CATSPER2: variants seen among roughly 807,000 people sequenced by gnomAD.
CATSPER2 encodes the protein cation channel sperm-associated protein 2.
In CATSPER2, 56 loss-of-function variants were observed where a neutral mutation model predicts 68.8. That is an observed-to-expected ratio of 0.81 (90% CI 0.66 to 1.02). The LOEUF (loss-of-function observed/expected upper bound fraction) is 1.02. Ranked by LOEUF, CATSPER2 falls within the 50% of genes least tolerant of loss-of-function variation. CATSPER2 has a pLI of 0.00. For missense variants in CATSPER2, 582 were observed against 642.0 expected (o/e 0.91, Z 1.01); for synonymous variants, 198 against 229.9 (o/e 0.86, Z 1.26).
rs142505622 is a variant in CATSPER2, at chr15:43,630,521, A to AT, written c.*179dup. On this transcript the variant is annotated 3_prime_UTR_variant, in exon 13 of 13. Coordinates refer to ENST00000396879, the MANE Select transcript of CATSPER2 (RefSeq NM_172095.4). ...AAGCATCTGCCACCACACCCAGCTA[A>AT]TTTTTTTGTATTTTTAGTAGAGACA... The AT allele has an allele frequency of 0.015, 20,645 of 1,378,222 alleles. 284 individuals are homozygous for AT. Among genetic ancestry groups the AT allele is most frequent in the South Asian group, 0.022 (1,654 of 74,634 alleles). The allele number at this position is 1,378,222 out of a possible 1,614,324, so 85.4% of individuals were successfully genotyped here.
chr15:43,646,584 G>A (rs1394682125), intron 4 of CATSPER2, among the ~76,000 whole-genome samples: 1 of 151,150 alleles, frequency 6.6e-6, no homozygotes, highest in Non-Finnish European at 1.5e-5. Flanking sequence ...TTTAGCAGTT[G>A]CATAAATTCT....
In CATSPER2 at chr15:43,647,040, C is replaced by T. The variant is rs758660861; in HGVS notation, c.388+10G>A. 6.2e-7 allele frequency: 1 copy of T among 1,608,296 alleles called. No individual in the cohort carries two copies. Among genetic ancestry groups the T allele is most frequent in the East Asian group, 2.2e-5 (1 of 44,832 alleles). On this transcript the variant is annotated intron_variant, in intron 4 of 12. Coordinates refer to ENST00000396879, the MANE Select transcript of CATSPER2 (RefSeq NM_172095.4). ...CCTCACTTCCTCTTTCATACAAGGTCAGTTCTCACCTATTTCAACCATCAA... is the reference window on the plus strand; with the variant it reads ...CCTCACTTCCTCTTTCATACAAGGTTAGTTCTCACCTATTTCAACCATCAA...
intron 6 of CATSPER2, 132 bp downstream of exon 6, chr15:43,639,511 C>A (rs1208072657): frequency 2.0e-5 from 30 of 1,501,826 alleles, no homozygotes; most frequent in Non-Finnish European, 1.3e-5. Flanking sequence ...ATGACCCATC[C>A]CCCTCGGCTT....
At chr15:43,641,614 T>C (rs545605213) in intron 4 of CATSPER2, among the ~76,000 whole-genome samples, 1 of 151,902 alleles carries the variant, frequency 6.6e-6, no homozygotes, top group Non-Finnish European at 1.5e-5. Flanking sequence ...CTGAACTGAA[T>C]CCAGACAAAA....
At chr15:43,645,113 C>T (rs2086139731) in intron 4 of CATSPER2, among the ~76,000 whole-genome samples, 1 of 151,850 alleles carries the variant, frequency 6.6e-6, no homozygotes, top group African/African-American at 2.4e-5. Flanking sequence ...GGCTGGAGTT[C>T]CGTTGCATGA....
At chr15:43,648,407 G>A (rs1269286745) in intron 1 of CATSPER2, among the ~76,000 whole-genome samples, 1 of 152,008 alleles carries the variant, frequency 6.6e-6, no homozygotes, top group South Asian at 2.1e-4. Flanking sequence ...CCCGGGGCTG[G>A]ACAAAGAATC....
chr15:43,648,836 C>T lies in CATSPER2; in HGVS notation c.-210G>A. On this transcript the variant is annotated 5_prime_UTR_variant, in exon 1 of 13. Coordinates refer to ENST00000396879, the MANE Select transcript of CATSPER2 (RefSeq NM_172095.4). Reference sequence around the variant, plus strand: ...CCCCTACCCACAGCCCAGGACCATGCGGAGCAACGCTCGCCCAGCCACTCG... The same window carrying T: ...CCCCTACCCACAGCCCAGGACCATGTGGAGCAACGCTCGCCCAGCCACTCG... 6 of 1,529,086 alleles carry T rather than the reference C, an allele frequency of 3.9e-6. No individual in the cohort carries two copies. The highest frequency in any genetic ancestry group is 4.4e-6 in the Non-Finnish European group (5 of 1,142,210). The allele number at this position is 1,529,086 out of a possible 1,614,324, so 94.7% of individuals were successfully genotyped here. A position where few individuals can be genotyped will look rare whatever the true frequency, so the allele number is the denominator to read the frequency against.
chr15:43,633,321 C>T (rs967185553), intron 10 of CATSPER2: 11 of 289,092 alleles, frequency 3.8e-5, no homozygotes, highest in African/African-American at 1.8e-4. Flanking sequence ...CCTTCTTAAA[C>T]GTAAGTCACT....
At chr15:43,642,131 C>T (rs1160939284) in intron 4 of CATSPER2, among the ~76,000 whole-genome samples, 11 of 150,500 alleles carry the variant, frequency 7.3e-5, no homozygotes, top group Non-Finnish European at 1.5e-4. Flanking sequence ...GACACAGTCT[C>T]GCTCTGTTGC....
At chr15:43,646,753 C>T (rs1170838805) in intron 4 of CATSPER2, among the ~76,000 whole-genome samples, 2 of 144,806 alleles carry the variant, frequency 1.4e-5, no homozygotes, top group East Asian at 2.0e-4. Flanking sequence ...TGTACTCTGT[C>T]GCCCAGGCTG....
intron 10 of CATSPER2, chr15:43,633,693 T>C: frequency 6.6e-6 from 1 of 151,922 alleles, no homozygotes; most frequent in Non-Finnish European, 1.5e-5. Context: ...CCTGTAATCC[T>C]AACACTTTTG....
intron 7 of CATSPER2, among the ~76,000 whole-genome samples, chr15:43,638,219 G>T (rs562991358): frequency 2.0e-5 from 3 of 149,746 alleles, no homozygotes; most frequent in Non-Finnish European, 4.4e-5. Context: ...TTCTGAAACT[G>T]CTGGGATTAT....
chr15:43,641,278 G>A (rs1370472068), intron 4 of CATSPER2, among the ~76,000 whole-genome samples: 4 of 151,380 alleles, frequency 2.6e-5, no homozygotes, highest in South Asian at 4.2e-4. Flanking sequence ...CACCACACCC[G>A]GCTAATTTTG....
intron 10 of CATSPER2, chr15:43,634,070 C>T (rs1464162732): frequency 6.6e-6 from 1 of 151,910 alleles, no homozygotes; most frequent in Non-Finnish European, 1.5e-5. Context: ...CATATTTTAA[C>T]AGATTAATTT....
At chr15:43,639,592 C>T (rs2086035704) in intron 6 of CATSPER2, 51 bp downstream of exon 6, 13 of 1,610,508 alleles carry the variant, frequency 8.1e-6, no homozygotes, top group Non-Finnish European at 1.1e-5. Flanking sequence ...ATGTTAAGCC[C>T]TCACATTTAT....
Position 43,639,666 on chromosome 15 carries a change from A to C in CATSPER2, c.694T>G (p.Leu232Val). The change falls in exon 6 of 13, where the codon TTG becomes GTG. Residue 232 changes from leucine to valine, a missense_variant. Leu to Val is a conservative substitution (Grantham distance 32). This residue lies in a region of CATSPER2 where 91 missense variants were observed against 72.8 expected (regional missense o/e 1.25). Transcript: ENST00000396879. ...AQFRQIQIIILVLVRALKSMT... is the reference protein window; with the variant it reads ...AQFRQIQIIIVVLVRALKSMT... ...ACCTTGAGGGCCCTGACCAGGACCAAAATAATAATTTGAATTTGACGGAAT... is the reference window on the plus strand; with the variant it reads ...ACCTTGAGGGCCCTGACCAGGACCACAATAATAATTTGAATTTGACGGAAT... The C allele has an allele frequency of 6.2e-7, 1 of 1,613,130 alleles. No individual in the cohort carries two copies.
intron 7 of CATSPER2, among the ~76,000 whole-genome samples, chr15:43,638,198 C>T (rs1160702466): frequency 6.6e-6 from 1 of 151,162 alleles, no homozygotes; most frequent in Non-Finnish European, 1.5e-5. Context: ...AGGTGATCCA[C>T]CTGTCTTGGC....
At chr15:43,645,512 C>T (rs1205585969) in intron 4 of CATSPER2, among the ~76,000 whole-genome samples, 7 of 151,734 alleles carry the variant, frequency 4.6e-5, no homozygotes, top group Admixed American at 1.3e-4. Context: ...CTAGGCTGGA[C>T]GTGGTAACTC....
chr15:43,648,708 C>T lies in CATSPER2; in HGVS notation c.-82G>A. ...GCTCAGGTGCCCCGAGCCTGGCTACCCCTATGCAAGACGAGCTCAGGGCCG... is the reference window on the plus strand; with the variant it reads ...GCTCAGGTGCCCCGAGCCTGGCTACTCCTATGCAAGACGAGCTCAGGGCCG... On this transcript the variant is annotated 5_prime_UTR_variant, in exon 1 of 13. Transcript: ENST00000396879. 1 of 1,489,140 alleles carries T rather than the reference C, an allele frequency of 6.7e-7. No homozygotes were observed. The highest frequency in any genetic ancestry group is 8.9e-7 in the Non-Finnish European group (1 of 1,124,106). The allele number at this position is 1,489,140 out of a possible 1,614,324, so 92.2% of individuals were successfully genotyped here. A position where few individuals can be genotyped will look rare whatever the true frequency, so the allele number is the denominator to read the frequency against.
Sources: allele counts gnomAD v4.1 joint callset (sites outside exome capture counted in the v4.1 genomes callset), GRCh38; gene constraint gnomAD v4.1.1; regional missense constraint gnomAD v4.1.1; transcripts MANE v1.5; gene names NCBI Gene and HGNC (gene_info 2026-07-23, HGNC 2026-07-21).